RNF220: variants seen among roughly 807,000 people sequenced by gnomAD.
RNF220 encodes ring finger protein 220.
A neutral mutation model predicts 67.1 loss-of-function variants in RNF220; 7 were observed. The observed-to-expected ratio is 0.10, with a 90% CI of 0.06 to 0.20. The LOEUF is 0.20. Among genes scored for constraint, RNF220 ranks in the 10% least tolerant of loss-of-function variants. The pLI is 1.00. For missense variants in RNF220, 565 were observed against 740.3 expected, an observed-to-expected ratio of 0.76 and a Z score of 2.75; for synonymous variants, 270 against 283.2, an observed-to-expected ratio of 0.95 and a Z score of 0.47.
At chr1:44,422,972 A>G (rs1292147964) in intron 2 of RNF220, among the ~76,000 whole-genome samples, 5 of 152,216 alleles carry the variant, frequency 3.3e-5, no homozygotes, top group Non-Finnish European at 5.9e-5. Flanking sequence ...TTTACTGCAT[A>G]CCTACATTGT....
chr1:44,598,582 C>T (rs920686112), intron 2 of RNF220, among the ~76,000 whole-genome samples: 1 of 152,150 alleles, frequency 6.6e-6, no homozygotes, highest in African/African-American at 2.4e-5. Flanking sequence ...CCGGGTGGGG[C>T]TTGGGCCCAC....
At chr1:44,604,210 G>A (rs1012351858) in intron 2 of RNF220, among the ~76,000 whole-genome samples, 1 of 152,208 alleles carries the variant, frequency 6.6e-6, no homozygotes, top group African/African-American at 2.4e-5. Flanking sequence ...GCCAGTGCCA[G>A]CACAAGCATG....
intron 2 of RNF220, among the ~76,000 whole-genome samples, chr1:44,582,143 C>G (rs1665329103): frequency 6.6e-6 from 1 of 152,076 alleles, no homozygotes; most frequent in African/African-American, 2.4e-5. Context: ...TGAGGACAGT[C>G]AAAGGAAGAG....
At chr1:44,603,262 T>C (rs1486416402) in intron 2 of RNF220, among the ~76,000 whole-genome samples, 3 of 152,254 alleles carry the variant, frequency 2.0e-5, no homozygotes, top group African/African-American at 7.2e-5. Context: ...CGCTGTTTAC[T>C]GTCTCGCCTT....
At chr1:44,493,811 C>CA (rs1300912573) in intron 2 of RNF220, among the ~76,000 whole-genome samples, 5 of 150,736 alleles carry the variant, frequency 3.3e-5, no homozygotes, top group African/African-American at 4.9e-5. Flanking sequence ...TCCCCCACCT[C>CA]AAAAAAAAGT....
At chr1:44,442,930 C>T (rs1321725905) in intron 2 of RNF220, among the ~76,000 whole-genome samples, 1 of 152,154 alleles carries the variant, frequency 6.6e-6, no homozygotes, top group Non-Finnish European at 1.5e-5. Context: ...AGTTAGGAAC[C>T]CTCCCTGTTT....
chr1:44,421,269 T>A (rs1475866873), intron 2 of RNF220, among the ~76,000 whole-genome samples: 1 of 152,212 alleles, frequency 6.6e-6, no homozygotes, highest in Non-Finnish European at 1.5e-5. Context: ...TCTGAAATTT[T>A]ATATTACTGG....
intron 2 of RNF220, among the ~76,000 whole-genome samples, chr1:44,455,604 C>T (rs1653099103): frequency 6.6e-6 from 1 of 152,028 alleles, no homozygotes; most frequent in African/African-American, 2.4e-5. Context: ...TTATAAGAAA[C>T]AAGTTTGTTA....
intron 2 of RNF220, among the ~76,000 whole-genome samples, chr1:44,437,733 T>C (rs1366652558): frequency 6.6e-6 from 1 of 152,148 alleles, no homozygotes; most frequent in Non-Finnish European, 1.5e-5. Flanking sequence ...GATGGTGACT[T>C]GTTAGGAAGT....
intron 2 of RNF220, among the ~76,000 whole-genome samples, chr1:44,510,196 G>A (rs1031403143): frequency 2.0e-5 from 3 of 148,912 alleles, no homozygotes; most frequent in Admixed American, 6.8e-5. Context: ...TAGAGATCAC[G>A]CCACTGCACT....
chr1:44,461,927 T>G (rs998509576), intron 2 of RNF220, among the ~76,000 whole-genome samples: 2 of 64,638 alleles, frequency 3.1e-5, no homozygotes, highest in Non-Finnish European at 7.1e-5. Flanking sequence ...TTTCTTTGTT[T>G]TTTTTTTTTT....
rs115857261 is a variant in RNF220, at chr1:44,562,642, C to T, written c.626-51523C>T. Among the ~76,000 whole-genome samples the T allele has an allele frequency of 4.6e-3, 703 of 152,198 alleles. 8 individuals carry two copies. Among genetic ancestry groups the T allele is most frequent in the African/African-American group, 0.016 (665 of 41,520 alleles). ...TCCCAGACAGCTCCAGGGGCTAAGT[C>T]GGGGTTGGGGGGTTGGTGCCTGGAG... On this transcript the variant is annotated intron_variant, in intron 2 of 14. Coordinates refer to ENST00000361799, the MANE Select transcript of RNF220 (RefSeq NM_018150.4).
At position 44,621,064 on chromosome 1, in the gene RNF220, T is replaced by C. The variant is rs906462060; in HGVS notation, c.759-1678T>C. On this transcript the variant is annotated intron_variant, in intron 3 of 14. Coordinates refer to ENST00000361799, the MANE Select transcript of RNF220 (RefSeq NM_018150.4). The surrounding 1 kb of genome is among the most constrained non-coding windows in gnomAD (Gnocchi z 4.8). Reference sequence around the variant, plus strand: ...CCGAGTAGCTGGGATTACAGGCGCCTGCCACCACGCCCAGCTAATTTTTGT... The same window carrying C: ...CCGAGTAGCTGGGATTACAGGCGCCCGCCACCACGCCCAGCTAATTTTTGT... Among the ~76,000 whole-genome samples, 19 of 152,044 alleles carry C rather than the reference T, an allele frequency of 1.2e-4. No individual in the cohort carries two copies. The highest frequency in any genetic ancestry group is 2.0e-4 in the Admixed American group (3 of 15,268).
chr1:44,614,977 T>C lies in RNF220; in HGVS notation c.758+680T>C, dbSNP rs553438681. On this transcript the variant is annotated intron_variant, in intron 3 of 14. Coordinates refer to ENST00000361799, the MANE Select transcript of RNF220 (RefSeq NM_018150.4). ...TCAGATAAGGCACAGAGGAGATGGCTGATGTCTGCTCCATGATGTCTGGGG... is the reference window on the plus strand; with the variant it reads ...TCAGATAAGGCACAGAGGAGATGGCCGATGTCTGCTCCATGATGTCTGGGG... Among the ~76,000 whole-genome samples the C allele has an allele frequency of 1.8e-3, 277 of 152,364 alleles. 1 individual carries two copies. The highest frequency in any genetic ancestry group is 4.3e-3 in the African/African-American group (180 of 41,584).
chr1:44,635,411 G>A, intron 6 of RNF220, 134 bp from the exon 7 acceptor site: 1 of 1,361,268 alleles, frequency 7.3e-7, no homozygotes, highest in East Asian at 2.4e-5. Context: ...ATTTCAAGAT[G>A]AGGGCCAGAT....
At chr1:44,610,146 T>C (rs1177413444) in intron 2 of RNF220, among the ~76,000 whole-genome samples, 1 of 152,142 alleles carries the variant, frequency 6.6e-6, no homozygotes, top group Non-Finnish European at 1.5e-5. Flanking sequence ...GATCCATCTT[T>C]GCATGGGAGG....
intron 3 of RNF220, among the ~76,000 whole-genome samples, chr1:44,615,460 G>C (rs865816009): frequency 6.6e-6 from 1 of 152,146 alleles, no homozygotes; most frequent in Non-Finnish European, 1.5e-5. Context: ...GCTACTGAGG[G>C]ACGGTCTGCC....
intron 2 of RNF220, among the ~76,000 whole-genome samples, chr1:44,503,293 T>C (rs4660807): frequency 0.65 from 93,381 of 144,050 alleles, 30,000 homozygotes; most frequent in South Asian, 0.73. Context: ...GAGATTGCGC[T>C]ACTGCACTCC....
intron 2 of RNF220, among the ~76,000 whole-genome samples, chr1:44,580,369 G>A (rs985307672): frequency 2.6e-5 from 4 of 152,110 alleles, no homozygotes; most frequent in African/African-American, 9.7e-5. Flanking sequence ...GGGTCATGTT[G>A]GAAATCACTG....
Sources: gnomAD v4.1 joint callset for allele counts (sites outside exome capture counted in the v4.1 genomes callset) on GRCh38, gnomAD v4.1.1 for gene constraint, Gnocchi (gnomAD v3.1) non-coding constraint, MANE v1.5 for transcripts, NCBI Gene and HGNC (gene_info 2026-07-23, HGNC 2026-07-21) for gene names.